Variants in KIF16B observed in about 807,000 individuals in gnomAD.
KIF16B encodes the protein kinesin-like protein KIF16B.
A neutral mutation model predicts 156.3 loss-of-function variants in KIF16B; 98 were observed. That is an observed-to-expected ratio of 0.63 (90% CI 0.53 to 0.74). KIF16B has a LOEUF of 0.74. Ranked by LOEUF, KIF16B falls within the 30% of genes least tolerant of loss-of-function variation. The pLI, the probability that KIF16B is intolerant of heterozygous loss-of-function variation, is 0.00. For missense variants in KIF16B, 1,421 were observed against 1,606.5 expected, an observed-to-expected ratio of 0.88 and a Z score of 1.97; for synonymous variants, 564 against 583.7, an observed-to-expected ratio of 0.97 and a Z score of 0.49.
chr20:16,379,817 C>T lies in KIF16B; in HGVS notation c.2185G>A (p.Glu729Lys). The T allele has an allele frequency of 1.9e-6, 3 of 1,614,186 alleles. No individual in the cohort carries two copies. The highest frequency in any genetic ancestry group is 2.5e-6 in the Non-Finnish European group (3 of 1,180,036). The stretch of plus-strand genomic sequence containing the variant: ...TTTTCCTTTTGGAGCTGGTCCAGTT[C>T]TTGAAATATCTGAAACTTCTCAGCC... Reference protein sequence around the residue: ...EKAEKFQIFQELDQLQKEKDE... With the variant: ...EKAEKFQIFQKLDQLQKEKDE... The change falls in exon 19 of 26, where the codon GAA (glutamate) becomes AAA (lysine). Residue 729 changes from glutamate (E) to lysine (K), a missense_variant. Coordinates refer to ENST00000354981, the MANE Select transcript of KIF16B (RefSeq NM_024704.5).
intron 12 of KIF16B, among the ~76,000 whole-genome samples, chr20:16,468,575 CAAAAAAAAAA>C (rs550510241): frequency 5.6e-5 from 2 of 35,838 alleles, no homozygotes; most frequent in African/African-American, 1.1e-4. Context: ...GACTCCGTCT[CAAAAAAAAAA>C]AAAAAAAAAA....
At chr20:16,425,933 G>A (rs979081653) in intron 15 of KIF16B, among the ~76,000 whole-genome samples, 10 of 152,118 alleles carry the variant, frequency 6.6e-5, no homozygotes, top group African/African-American at 9.7e-5. Flanking sequence ...TTACAGTCAC[G>A]GCAGAAGGCA....
At chr20:16,407,843 T>C (rs545883865) in intron 15 of KIF16B, among the ~76,000 whole-genome samples, 3 of 152,248 alleles carry the variant, frequency 2.0e-5, no homozygotes, top group Non-Finnish European at 4.4e-5. Context: ...AAATCTTTAG[T>C]TGGCAAGAGT....
At chr20:16,553,159 C>A (rs2070727968) in intron 1 of KIF16B, among the ~76,000 whole-genome samples, 1 of 152,182 alleles carries the variant, frequency 6.6e-6, no homozygotes, top group East Asian at 1.9e-4. Context: ...CTTTGTAGCT[C>A]ACAGTCATAC....
intron 17 of KIF16B, among the ~76,000 whole-genome samples, chr20:16,404,576 T>C (rs1273115037): frequency 6.6e-6 from 1 of 152,222 alleles, no homozygotes; most frequent in Non-Finnish European, 1.5e-5. Context: ...CGAATGCTTA[T>C]TATGCTGTTA....
rs1172539086 is a variant in KIF16B at position 16,573,351 on chromosome 20, G to A, written c.-76C>T. 6 of 1,509,774 alleles carry A rather than the reference G, an allele frequency of 4.0e-6. No individual in the cohort carries two copies. The highest frequency in any genetic ancestry group is 5.4e-6 in the Non-Finnish European group (6 of 1,102,066). The allele number at this position is 1,509,774 out of a possible 1,614,324, so 93.5% of individuals were successfully genotyped here. On this transcript the variant is annotated 5_prime_UTR_variant, in exon 1 of 26. Transcript: ENST00000354981. Reference sequence around the variant, plus strand: ...GGTCGCCGGCGACGCTGGCTACTCAGATCGCGGCTCCCGCCCACTTCCCTC... The same window carrying A: ...GGTCGCCGGCGACGCTGGCTACTCAAATCGCGGCTCCCGCCCACTTCCCTC...
chr20:16,554,457 C>A (rs1368092251), intron 1 of KIF16B, among the ~76,000 whole-genome samples: 2 of 152,314 alleles, frequency 1.3e-5, no homozygotes, highest in East Asian at 1.9e-4. Flanking sequence ...CATCGGGACA[C>A]CCTGCCTGCT....
chr20:16,442,367 T>A lies in KIF16B; in HGVS notation c.1303-12385A>T, dbSNP rs796939446. On this transcript the variant is annotated intron_variant, in intron 12 of 25. Transcript: ENST00000354981. ...GTGTGTGTATATATATATATATATA[T>A]AAAATAGGTGCCTATCTAATGCGAT... Among the ~76,000 whole-genome samples, 524 of 150,212 alleles carry A rather than the reference T, an allele frequency of 3.5e-3. 3 individuals are homozygous for A. The highest frequency in any genetic ancestry group is 0.029 in the South Asian group (139 of 4,714).
At chr20:16,524,503 G>A (rs543795195) in intron 3 of KIF16B, among the ~76,000 whole-genome samples, 11 of 152,218 alleles carry the variant, frequency 7.2e-5, no homozygotes, top group Admixed American at 1.3e-4. Context: ...TTAGAATGGC[G>A]ATCATTAAAA....
At chr20:16,407,130 C>T (rs960474462) in intron 15 of KIF16B, among the ~76,000 whole-genome samples, 1 of 152,128 alleles carries the variant, frequency 6.6e-6, no homozygotes, top group Non-Finnish European at 1.5e-5. Flanking sequence ...AAGGGAAATG[C>T]CCAAGGAAAA....
chr20:16,292,885 G>C (rs1387173229), intron 25 of KIF16B, among the ~76,000 whole-genome samples: 3 of 152,176 alleles, frequency 2.0e-5, no homozygotes, highest in African/African-American at 7.2e-5. Flanking sequence ...TGCAAAAGTA[G>C]CAAATGCAAT....
chr20:16,368,202 C>T, intron 22 of KIF16B: 1 of 1,046,056 alleles, frequency 9.6e-7, no homozygotes, highest in South Asian at 3.7e-5. Context: ...CAAGGCTCTG[C>T]TTAAATGCAG....
intron 9 of KIF16B, 42 bp from the exon 10 acceptor site, chr20:16,504,589 A>T: frequency 6.4e-7 from 1 of 1,559,530 alleles, no homozygotes; most frequent in Non-Finnish European, 8.8e-7. Flanking sequence ...CCAGCACTCC[A>T]TGTTCCATTT....
intron 25 of KIF16B, among the ~76,000 whole-genome samples, chr20:16,286,560 G>A (rs369560804): frequency 6.4e-4 from 97 of 152,132 alleles, no homozygotes; most frequent in African/African-American, 2.2e-3. Flanking sequence ...CTTAAACATC[G>A]TCATCTTTCT....
intron 18 of KIF16B, among the ~76,000 whole-genome samples, chr20:16,381,482 G>A (rs1229167175): frequency 2.1e-5 from 3 of 143,170 alleles, no homozygotes; most frequent in African/African-American, 7.8e-5. Flanking sequence ...AATATTTGAA[G>A]ATGAACGTTT....
At chr20:16,356,932 A>T (rs986581059) in intron 22 of KIF16B, among the ~76,000 whole-genome samples, 1 of 152,232 alleles carries the variant, frequency 6.6e-6, no homozygotes, top group Non-Finnish European at 1.5e-5. Flanking sequence ...TTTATAAGCC[A>T]GTGTAGTGTG....
intron 1 of KIF16B, among the ~76,000 whole-genome samples, chr20:16,545,538 G>A (rs1029976885): frequency 2.6e-5 from 4 of 152,064 alleles, no homozygotes; most frequent in African/African-American, 9.7e-5. Flanking sequence ...GGTGGCAAGC[G>A]CCTATAATCT....
chr20:16,418,080 A>C (rs1228211127), intron 15 of KIF16B, among the ~76,000 whole-genome samples: 1 of 152,162 alleles, frequency 6.6e-6, no homozygotes, highest in Non-Finnish European at 1.5e-5. Context: ...ATCCATGCCA[A>C]GGCATATTGT....
intron 25 of KIF16B, among the ~76,000 whole-genome samples, chr20:16,290,749 A>T (rs2063303289): frequency 6.6e-6 from 1 of 152,118 alleles, no homozygotes; most frequent in African/African-American, 2.4e-5. Context: ...AAGATTAGCT[A>T]GGGATTTGAA....
Sources: allele counts gnomAD v4.1 joint callset (sites outside exome capture counted in the v4.1 genomes callset), GRCh38; gene constraint gnomAD v4.1.1; transcripts MANE v1.5; gene names NCBI Gene and HGNC (gene_info 2026-07-23, HGNC 2026-07-21).